DNAAF5: variants seen among roughly 807,000 people sequenced by gnomAD.
DNAAF5 encodes the protein dynein axonemal assembly factor 5, also known as HEAT repeat containing 2.
Under a neutral mutation model 75.8 loss-of-function variants are expected in DNAAF5, and 64 were observed. The observed-to-expected ratio is 0.84, with a 90% CI of 0.69 to 1.04. The LOEUF is 1.04. Among genes scored for constraint, DNAAF5 ranks in the 50% least tolerant of loss-of-function variants. DNAAF5 has a pLI of 0.00. For synonymous variants in DNAAF5, 657 were observed against 557.2 expected (o/e 1.18, Z -2.52); for missense variants, 1,269 against 1,178.5 (o/e 1.08, Z -1.12).
At chr7:779,440 C>G (rs1778865472) in intron 11 of DNAAF5, among the ~76,000 whole-genome samples, 1 of 152,178 alleles carries the variant, frequency 6.6e-6, no homozygotes, top group Non-Finnish European at 1.5e-5. Flanking sequence ...AAAATTATGT[C>G]CATTAACCTC....
intron 12 of DNAAF5, among the ~76,000 whole-genome samples, chr7:784,920 C>T (rs906248346): frequency 3.3e-5 from 5 of 151,964 alleles, no homozygotes; most frequent in Non-Finnish European, 7.4e-5. Context: ...GCCGTGCACC[C>T]ACCCAGCAGC....
rs1045055798 is a variant in DNAAF5 at position 754,497 on chromosome 7, C to T, written c.1025-92C>T. 7 of 1,055,338 alleles carry T rather than the reference C, an allele frequency of 6.6e-6. No homozygotes were observed. In the African/African-American group the frequency reaches 1.1e-4, roughly 17 times the overall value. The allele number at this position is 1,055,338 out of a possible 1,614,324, so 65.4% of individuals were successfully genotyped here. ...GTTTTGAAATGGTGAGGTTGAAACT[C>T]ACAGGTGTCCCTTAAATGTGATGTG... On this transcript the variant is annotated intron_variant, in intron 4 of 12. Coordinates refer to ENST00000297440, the MANE Select transcript of DNAAF5 (RefSeq NM_017802.4). This position sits in a 1 kb window ranked among gnomAD's most constrained non-coding sequence, Gnocchi z 4.8.
chr7:733,879 G>A (rs896700870), intron 2 of DNAAF5, among the ~76,000 whole-genome samples: 3 of 152,130 alleles, frequency 2.0e-5, no homozygotes, highest in African/African-American at 7.2e-5. Context: ...ATTGTAAATG[G>A]AATTACTTTC....
intron 11 of DNAAF5, among the ~76,000 whole-genome samples, chr7:777,968 A>C (rs532397880): frequency 1.3e-5 from 2 of 152,282 alleles, no homozygotes; most frequent in South Asian, 2.1e-4. Flanking sequence ...GGAGAAGAGA[A>C]TGGAGGAGAG....
chr7:729,146 G>A (rs986283448), intron 1 of DNAAF5, among the ~76,000 whole-genome samples: 3 of 152,140 alleles, frequency 2.0e-5, no homozygotes, highest in African/African-American at 7.2e-5. Flanking sequence ...ACAGGCGCCT[G>A]CCACCTCTTG....
intron 4 of DNAAF5, among the ~76,000 whole-genome samples, chr7:749,758 C>T (rs947861787): frequency 2.0e-5 from 3 of 152,068 alleles, no homozygotes; most frequent in Non-Finnish European, 2.9e-5. Context: ...TGCAGTGGTG[C>T]GATCCCAGCT....
chr7:729,077 A>T (rs1583471109), intron 1 of DNAAF5, among the ~76,000 whole-genome samples: 1 of 149,398 alleles, frequency 6.7e-6, no homozygotes, highest in African/African-American at 2.5e-5. Context: ...GCTCACTGCA[A>T]CCTCCGCCTC....
chr7:761,909 G>A lies in DNAAF5; in HGVS notation c.1614+13G>A, dbSNP rs778381553. ...CCTGAGGGACAAGGTAAGGCTGACAGTGGTGGCTGCTGCTTGACCTAGCGG... is the reference window on the plus strand; with the variant it reads ...CCTGAGGGACAAGGTAAGGCTGACAATGGTGGCTGCTGCTTGACCTAGCGG... On this transcript the variant is annotated intron_variant, in intron 7 of 12. Coordinates refer to ENST00000297440, the MANE Select transcript of DNAAF5 (RefSeq NM_017802.4). The A allele has an allele frequency of 1.1e-4, 166 of 1,561,890 alleles. No individual in the cohort carries two copies. Among genetic ancestry groups the A allele is most frequent in the Non-Finnish European group, 1.4e-4 (159 of 1,153,856 alleles).
chr7:774,903 C>CTGA, intron 10 of DNAAF5, 103 bp from the exon 11 acceptor site: 1 of 964,034 alleles, frequency 1.0e-6, no homozygotes. Context: ...GTAAAGCTTT[C>CTGA]AAGCCCCCTA....
rs1370575222 is a variant in DNAAF5, at chr7:726,733, G to T, written c.13G>T (p.Gly5Trp). MAALGVAEAVAAPHP... is the reference protein window; with the variant it reads MAALWVAEAVAAPHP... ...CGACGCGGGCAAGATGGCGGCGCTGGGGGTGGCGGAGGCCGTGGCGGCCCC... is the reference window on the plus strand; with the variant it reads ...CGACGCGGGCAAGATGGCGGCGCTGTGGGTGGCGGAGGCCGTGGCGGCCCC... Residue 5 changes from glycine (G) to tryptophan (W), a missense_variant, in exon 1 of 13, where the codon GGG becomes TGG. Transcript: ENST00000297440. The T allele has an allele frequency of 2.4e-6, 3 of 1,242,946 alleles. No individual in the cohort carries two copies. The highest frequency in any genetic ancestry group is 8.4e-5 in the Admixed American group (2 of 23,688). 77.0% of individuals were successfully genotyped at this position (1,242,946 alleles called of 1,614,324 possible). A position where few individuals can be genotyped will look rare whatever the true frequency, so the allele number is the denominator to read the frequency against.
At chr7:758,527 C>A (rs900485214) in intron 6 of DNAAF5, among the ~76,000 whole-genome samples, 2 of 152,208 alleles carry the variant, frequency 1.3e-5, no homozygotes, top group Non-Finnish European at 2.9e-5. Flanking sequence ...GGCCCTTTGG[C>A]CAAGGAGCCA....
chr7:731,140 C>T (rs565704150), intron 2 of DNAAF5, among the ~76,000 whole-genome samples: 1 of 152,288 alleles, frequency 6.6e-6, no homozygotes, highest in South Asian at 2.1e-4. Flanking sequence ...GCATGGCCCA[C>T]AAGGAAAGTG....
chr7:785,765 A>G lies in DNAAF5; in HGVS notation c.*112A>G. 2 of 1,267,558 alleles carry G rather than the reference A, an allele frequency of 1.6e-6. No homozygotes were observed. The highest frequency in any genetic ancestry group is 2.2e-6 in the Non-Finnish European group (2 of 922,200). The allele number at this position is 1,267,558 out of a possible 1,614,324, so 78.5% of individuals were successfully genotyped here. A position where few individuals can be genotyped will look rare whatever the true frequency, so the allele number is the denominator to read the frequency against. On this transcript the variant is annotated 3_prime_UTR_variant, in exon 13 of 13. Transcript: ENST00000297440. ...TGCCAGCAGTGAGACTGTGACAGCA[A>G]GAATGTACTCCTCAGGACACCTGCC...
intron 4 of DNAAF5, among the ~76,000 whole-genome samples, chr7:742,299 T>C (rs952934829): frequency 6.6e-6 from 1 of 150,408 alleles, no homozygotes; most frequent in Non-Finnish European, 1.5e-5. Flanking sequence ...CCACATCAGA[T>C]GCCCAGCCCA....
intron 4 of DNAAF5, among the ~76,000 whole-genome samples, chr7:744,088 C>A (rs1016821502): frequency 2.0e-5 from 3 of 152,046 alleles, no homozygotes; most frequent in African/African-American, 7.2e-5. Flanking sequence ...ATCCCTCCCC[C>A]CTCACCTCAC....
At chr7:770,741 G>A (rs887619155) in intron 9 of DNAAF5, 123 bp downstream of exon 9, 15 of 913,302 alleles carry the variant, frequency 1.6e-5, no homozygotes, top group Admixed American at 8.2e-5. Flanking sequence ...ACTGCACTGC[G>A]CAAGGGGTTC....
intron 7 of DNAAF5, 45 bp downstream of exon 7, chr7:761,941 C>T (rs759091735): frequency 1.3e-6 from 2 of 1,539,278 alleles, no homozygotes; most frequent in South Asian, 1.2e-5. Context: ...GCGGAGCTCA[C>T]AGCTGGAAGG....
At chr7:774,001 G>C (rs537499314) in intron 9 of DNAAF5, 47 bp from the exon 10 acceptor site, 1 of 1,611,490 alleles carries the variant, frequency 6.2e-7, no homozygotes, top group Non-Finnish European at 8.5e-7. Context: ...CGTTTCTTCC[G>C]AGCACCTGTC....
chr7:759,939 G>C (rs1011393134), intron 6 of DNAAF5, among the ~76,000 whole-genome samples: 6 of 152,230 alleles, frequency 3.9e-5, no homozygotes, highest in African/African-American at 1.4e-4. Flanking sequence ...AAGTCAGCCA[G>C]TTAGTACAGG....
Sources: allele counts gnomAD v4.1 joint callset (sites outside exome capture counted in the v4.1 genomes callset), GRCh38; gene constraint gnomAD v4.1.1; non-coding constraint Gnocchi (gnomAD v3.1); transcripts MANE v1.5; gene names NCBI Gene and HGNC (gene_info 2026-07-23, HGNC 2026-07-21).